The following ZNF599 variants were observed in gnomAD, a reference collection of about 807,000 sequenced individuals.
The protein encoded by ZNF599 is zinc finger protein 599.
ZNF599 carries 10 observed loss-of-function variants against 11.7 expected under a neutral mutation model. That is an observed-to-expected ratio of 0.86 (90% CI 0.53 to 1.45). The LOEUF (loss-of-function observed/expected upper bound fraction) is 1.45. ZNF599 is among the 40% of genes most tolerant of loss of function. The pLI, the probability that ZNF599 is intolerant of heterozygous loss-of-function variation, is 0.00. For missense variants in ZNF599, 688 were observed against 713.6 expected, an observed-to-expected ratio of 0.96 and a Z score of 0.41; for synonymous variants, 232 against 253.2, an observed-to-expected ratio of 0.92 and a Z score of 0.79.
At chr19:34,805,941 A>G in the ZNF599 span, among the ~76,000 whole-genome samples, 1 of 152,302 alleles carries the variant, frequency 6.6e-6, no homozygotes, top group South Asian at 2.1e-4. Flanking sequence ...CTAGATATAC[A>G]TAGGAACTAT....
the ZNF599 span, among the ~76,000 whole-genome samples, chr19:34,793,121 C>G: frequency 6.6e-6 from 1 of 152,076 alleles, no homozygotes; most frequent in Non-Finnish European, 1.5e-5. Flanking sequence ...TAAGTGGGGA[C>G]ACAGATTAAA....
intron 3 of ZNF599, chr19:34,766,947 AAAAAC>A (rs751810864): frequency 1.2e-4 from 23 of 187,184 alleles, no homozygotes; most frequent in South Asian, 2.7e-4. Flanking sequence ...GCATGGATAA[AAAAAC>A]AAAACAAAAC....
At chr19:34,802,511 A>G in the ZNF599 span, among the ~76,000 whole-genome samples, 1 of 152,210 alleles carries the variant, frequency 6.6e-6, no homozygotes, top group African/African-American at 2.4e-5. Flanking sequence ...ACAACACAGT[A>G]TGTGTGGGCC....
At chr19:34,804,363 C>A in the ZNF599 span, among the ~76,000 whole-genome samples, 4 of 152,230 alleles carry the variant, frequency 2.6e-5, no homozygotes, top group Non-Finnish European at 2.9e-5. Context: ...CCAGACCCAA[C>A]CTTCAGGCTC....
At chr19:34,797,184 G>A in the ZNF599 span, among the ~76,000 whole-genome samples, 5 of 152,114 alleles carry the variant, frequency 3.3e-5, no homozygotes, top group Admixed American at 6.5e-5. Context: ...TGGTGTATAG[G>A]TGCCACATTT....
rs891540856 is a variant in ZNF599 at position 34,772,779 on chromosome 19, G to C, written c.18+45C>G. The C allele has an allele frequency of 2.6e-6, 4 of 1,535,266 alleles. No homozygotes were observed. In the South Asian group the frequency reaches 3.6e-5, roughly 14 times the overall value. ...CGTATTACAGCGGATGGGTGCATGC[G>C]GGCGGTGACCCGAGCTCGCGCGGGC... On this transcript the variant is annotated intron_variant, in intron 1 of 3. Transcript: ENST00000329285.
Position 34,760,194 on chromosome 19 carries a change from C to T in ZNF599, c.607G>A (p.Glu203Lys), listed in dbSNP as rs1458056263. Residue 203 changes from glutamate to lysine, a missense_variant, in exon 4 of 4, where the codon GAA becomes AAA. Physicochemically the swap from Glu to Lys is moderately conservative, Grantham distance 56. Coordinates refer to ENST00000329285, the MANE Select transcript of ZNF599 (RefSeq NM_001007248.3). The stretch of plus-strand genomic sequence containing the variant: ...TTCTTGCTAAACCCTTTCCCACATT[C>T]CGTGCATGTGTAAGGGTTATTCCTT... ...DARNNPYTCTECGKGFSKKWA... is the reference protein window; with the variant it reads ...DARNNPYTCTKCGKGFSKKWA... 1 of 1,614,068 alleles carries T rather than the reference C, an allele frequency of 6.2e-7. No homozygotes were observed. Among genetic ancestry groups the T allele is most frequent in the Non-Finnish European group, 8.5e-7 (1 of 1,180,050 alleles).
chr19:34,759,561 T>C lies in ZNF599; in HGVS notation c.1240A>G (p.Lys414Glu), dbSNP rs2069095427. 6.2e-7 allele frequency: 1 copy of C among 1,613,466 alleles called. No homozygotes were observed. The highest frequency in any genetic ancestry group is 1.7e-5 in the Admixed American group (1 of 59,942). Residue 414 changes from lysine (K) to glutamate (E), a missense_variant, in exon 4 of 4, where the codon AAG becomes GAG. Physicochemically the swap from Lys to Glu is moderately conservative, Grantham distance 56. Transcript: ENST00000329285. ...GGCTTCTCTCCGGTATGGGTCCTCT[T>C]ATGTCGGATGAAAGTGGAGCGATGA... Reference protein sequence around the residue: ...FTHRSTFIRHKRTHTGEKPFE... With the variant: ...FTHRSTFIRHERTHTGEKPFE...
the ZNF599 span, chr19:34,779,343 C>CT: frequency 3.7e-5 from 11 of 295,824 alleles, no homozygotes; most frequent in African/African-American, 2.4e-4. Flanking sequence ...TCAAGCGATC[C>CT]TACTGCCTTG....
chr19:34,771,220 C>T (rs987128384), intron 1 of ZNF599, among the ~76,000 whole-genome samples: 15 of 152,080 alleles, frequency 9.9e-5, no homozygotes, highest in African/African-American at 3.6e-4. Flanking sequence ...CACTGCACTC[C>T]AGTGTGAGCA....
chr19:34,788,175 G>A, the ZNF599 span, among the ~76,000 whole-genome samples: 10 of 152,172 alleles, frequency 6.6e-5, no homozygotes, highest in Non-Finnish European at 1.5e-4. Context: ...TTGAGCATCT[G>A]TGGATGCAGT....
Position 34,772,998 on chromosome 19 carries a change from T to A in ZNF599, c.-157A>T. 1.1e-6 allele frequency: 1 copy of A among 886,714 alleles called. No individual in the cohort carries two copies. 54.9% of individuals were successfully genotyped at this position (886,714 alleles called of 1,614,324 possible). ...TTCGCGGCGCCGCCTCTGCGCGCCG[T>A]GAGGACACAGGGCTGTCGCCAAGGC... On this transcript the variant is annotated 5_prime_UTR_variant, in exon 1 of 4. Transcript: ENST00000329285.
At chr19:34,789,972 T>G in the ZNF599 span, among the ~76,000 whole-genome samples, 5 of 152,346 alleles carry the variant, frequency 3.3e-5, no homozygotes, top group East Asian at 5.8e-4. Context: ...TCTAGTAGTT[T>G]CACAGTTTTG....
intron 3 of ZNF599, chr19:34,765,245 T>C (rs1164731914): frequency 1.9e-5 from 5 of 260,256 alleles, no homozygotes; most frequent in Non-Finnish European, 3.7e-5. Context: ...TGTTAAAATG[T>C]TGGCAGGACC....
At chr19:34,766,352 G>A (rs761161891) in intron 3 of ZNF599, among the ~76,000 whole-genome samples, 31 of 152,150 alleles carry the variant, frequency 2.0e-4, no homozygotes, top group African/African-American at 6.5e-4. Flanking sequence ...GTGCTTCTGC[G>A]TATCTGATAC....
the ZNF599 span, among the ~76,000 whole-genome samples, chr19:34,803,509 C>G: frequency 1.3e-5 from 2 of 152,264 alleles, no homozygotes; most frequent in South Asian, 4.1e-4. Flanking sequence ...CAGATGAAAC[C>G]ATGAAGAGCC....
the ZNF599 span, among the ~76,000 whole-genome samples, chr19:34,804,687 C>T: frequency 6.6e-6 from 1 of 152,216 alleles, no homozygotes. Context: ...ACAAAACTCC[C>T]ATATACCCAC....
At chr19:34,803,056 G>A in the ZNF599 span, among the ~76,000 whole-genome samples, 100 of 152,292 alleles carry the variant, frequency 6.6e-4, no homozygotes, top group African/African-American at 2.1e-3. Context: ...CTAGAGGAAG[G>A]GGGCAGAACC....
chr19:34,792,337 C>T, the ZNF599 span, among the ~76,000 whole-genome samples: 1 of 152,106 alleles, frequency 6.6e-6, no homozygotes, highest in East Asian at 1.9e-4. Context: ...AACAAAATCC[C>T]GGGATGAAGC....
Sources: gnomAD v4.1 joint callset for allele counts (sites outside exome capture counted in the v4.1 genomes callset) on GRCh38, gnomAD v4.1.1 for gene constraint, MANE v1.5 for transcripts, NCBI Gene and HGNC (gene_info 2026-07-23, HGNC 2026-07-21) for gene names.